SH3PXD2B: variants seen among roughly 807,000 people sequenced by gnomAD.
SH3PXD2B encodes SH3 and PX domain-containing protein 2B.
SH3PXD2B carries 37 observed loss-of-function variants against 73.1 expected under a neutral mutation model. The observed-to-expected ratio is 0.51, with a 90% CI of 0.39 to 0.67. The LOEUF is 0.67. Among genes scored for constraint, SH3PXD2B ranks in the 30% least tolerant of loss-of-function variants. The pLI, the probability that SH3PXD2B is intolerant of heterozygous loss-of-function variation, is 0.00. For missense variants in SH3PXD2B, 1,053 were observed against 1,197.8 expected (o/e 0.88, Z 1.78); for synonymous variants, 457 against 480.5 (o/e 0.95, Z 0.64).
chr5:172,383,130 T>A (rs1354482102), intron 4 of SH3PXD2B, among the ~76,000 whole-genome samples: 1 of 152,202 alleles, frequency 6.6e-6, no homozygotes, highest in Non-Finnish European at 1.5e-5. Flanking sequence ...TACTGGTGAA[T>A]CTTTAGGTTA....
intron 4 of SH3PXD2B, among the ~76,000 whole-genome samples, chr5:172,390,590 T>C (rs1416390109): frequency 6.6e-6 from 1 of 152,222 alleles, no homozygotes; most frequent in Non-Finnish European, 1.5e-5. Flanking sequence ...ATGTCTATTG[T>C]ATGGATATTA....
intron 8 of SH3PXD2B, among the ~76,000 whole-genome samples, chr5:172,356,168 T>C (rs2113303924): frequency 6.6e-6 from 1 of 152,162 alleles, no homozygotes; most frequent in Non-Finnish European, 1.5e-5. Context: ...AGGACTTGTG[T>C]TAAAGGAGAA....
intron 8 of SH3PXD2B, among the ~76,000 whole-genome samples, chr5:172,356,229 T>A (rs2436415): frequency 1.3e-5 from 2 of 151,846 alleles, no homozygotes; most frequent in African/African-American, 4.8e-5. Context: ...GCTGTCATCA[T>A]GAGAGAATGG....
intron 1 of SH3PXD2B, among the ~76,000 whole-genome samples, chr5:172,429,757 G>A (rs17074783): frequency 0.051 from 7,735 of 152,266 alleles, 272 homozygotes; most frequent in South Asian, 0.2. Context: ...GCAAAGGACG[G>A]AGGCTCAGAA....
chr5:172,377,682 C>A lies in SH3PXD2B; in HGVS notation c.402-3867G>T, dbSNP rs114004080. Among the ~76,000 whole-genome samples the A allele has an allele frequency of 8.5e-3, 1,300 of 152,266 alleles. 19 individuals carry two copies. The highest frequency in any genetic ancestry group is 0.03 in the African/African-American group (1,240 of 41,548). On this transcript the variant is annotated intron_variant, in intron 5 of 12. Transcript: ENST00000311601. ...CTGGGAAGGGACAAAGAGATTTGAACCTTCCCTTTCTTTTCAGGAAGGCTC... is the reference window on the plus strand; with the variant it reads ...CTGGGAAGGGACAAAGAGATTTGAAACTTCCCTTTCTTTTCAGGAAGGCTC...
chr5:172,375,558 T>C (rs564371084), intron 5 of SH3PXD2B, among the ~76,000 whole-genome samples: 3 of 152,294 alleles, frequency 2.0e-5, no homozygotes, highest in East Asian at 3.9e-4. Context: ...TTGCTGTCTC[T>C]AACGATTTGC....
At chr5:172,386,541 T>C (rs1218838822) in intron 4 of SH3PXD2B, among the ~76,000 whole-genome samples, 1 of 152,126 alleles carries the variant, frequency 6.6e-6, no homozygotes, top group Non-Finnish European at 1.5e-5. Context: ...TAACAGCAGT[T>C]AGCCAGATTT....
intron 3 of SH3PXD2B, among the ~76,000 whole-genome samples, chr5:172,404,971 G>A (rs1275365609): frequency 6.6e-6 from 1 of 152,250 alleles, no homozygotes; most frequent in African/African-American, 2.4e-5. Context: ...AATGGGTGCA[G>A]TAATGCCTAT....
At chr5:172,332,144 C>T (rs1253744418), downstream of SH3PXD2B, among the ~76,000 whole-genome samples, 2 of 152,024 alleles carry the variant, frequency 1.3e-5, no homozygotes, top group Non-Finnish European at 2.9e-5. Flanking sequence ...CAGCCCCAGC[C>T]GGAAAGCCCA....
At chr5:172,394,415 T>C (rs1202956681) in intron 4 of SH3PXD2B, 148 bp downstream of exon 4, 2 of 788,102 alleles carry the variant, frequency 2.5e-6, no homozygotes, top group Non-Finnish European at 4.3e-6. Context: ...GCCTCTAAGT[T>C]GAATGATAAT....
At chr5:172,423,337 T>C (rs1487230066) in intron 1 of SH3PXD2B, among the ~76,000 whole-genome samples, 2 of 152,148 alleles carry the variant, frequency 1.3e-5, no homozygotes, top group African/African-American at 4.8e-5. Flanking sequence ...TTAAAATATA[T>C]GCACAAGTGA....
chr5:172,351,233 G>A (rs1217385298), intron 9 of SH3PXD2B, among the ~76,000 whole-genome samples: 2 of 152,170 alleles, frequency 1.3e-5, no homozygotes, highest in Non-Finnish European at 2.9e-5. Context: ...GGGCTCAAGC[G>A]ATTCTCCCAA....
chr5:172,413,604 C>A (rs1044239925), intron 2 of SH3PXD2B, among the ~76,000 whole-genome samples: 4 of 152,224 alleles, frequency 2.6e-5, no homozygotes, highest in African/African-American at 9.6e-5. Flanking sequence ...CAGCCACTCT[C>A]TGGGAAAGGA....
At chr5:172,409,967 C>T (rs1162669285) in intron 2 of SH3PXD2B, among the ~76,000 whole-genome samples, 1 of 152,188 alleles carries the variant, frequency 6.6e-6, no homozygotes, top group Non-Finnish European at 1.5e-5. Flanking sequence ...CCACCTGCCC[C>T]GGCCTCCCAA....
rs1758969540 is a variant in SH3PXD2B at position 172,421,845 on chromosome 5, A to C, written c.156+571T>G. On this transcript the variant is annotated intron_variant, in intron 2 of 12. Coordinates refer to ENST00000311601, the MANE Select transcript of SH3PXD2B (RefSeq NM_001017995.3). This position sits in a 1 kb window ranked among gnomAD's most constrained non-coding sequence, Gnocchi z 4.0. ...GATTATTGTTTAAAACTTAAGTTCA[A>C]ACACTGCATGCCAAAGCCATTTGGA... Among the ~76,000 whole-genome samples the C allele has an allele frequency of 6.6e-6, 1 of 152,220 alleles. No homozygotes were observed. The highest frequency in any genetic ancestry group is 1.5e-5 in the Non-Finnish European group (1 of 68,028).
chr5:172,425,238 A>G (rs537399464), intron 1 of SH3PXD2B, among the ~76,000 whole-genome samples: 45 of 152,174 alleles, frequency 3.0e-4, no homozygotes, highest in Non-Finnish European at 4.7e-4. Flanking sequence ...TTCAACATCT[A>G]TTAAGCACCG....
At position 172,335,661 on chromosome 5, in the gene SH3PXD2B, A is replaced by AG. The variant is rs1756671538; in HGVS notation, c.*2707dup. 8.1e-7 allele frequency: 1 copy of AG among 1,231,800 alleles called. No individual in the cohort carries two copies. Among genetic ancestry groups the AG allele is most frequent in the South Asian group, 4.1e-5 (1 of 24,322 alleles). The allele number at this position is 1,231,800 out of a possible 1,614,324, so 76.3% of individuals were successfully genotyped here. A position where few individuals can be genotyped will look rare whatever the true frequency, so the allele number is the denominator to read the frequency against. ...GGACACTTTCTAGAGCCATGACTCC[A>AG]GGGGAGTTCTGCATATGCGCCATCA... On this transcript the variant is annotated 3_prime_UTR_variant, in exon 13 of 13. Transcript: ENST00000311601.
At chr5:172,419,096 G>C (rs1350248291) in intron 2 of SH3PXD2B, among the ~76,000 whole-genome samples, 1 of 152,138 alleles carries the variant, frequency 6.6e-6, no homozygotes, top group Non-Finnish European at 1.5e-5. Flanking sequence ...TGCAGATGAG[G>C]AGGCTGAGGC....
At chr5:172,427,912 G>T (rs1759137650) in intron 1 of SH3PXD2B, among the ~76,000 whole-genome samples, 2 of 151,902 alleles carry the variant, frequency 1.3e-5, no homozygotes, top group African/African-American at 4.8e-5. Context: ...AAGCAGCTGG[G>T]ATTACAGGCG....
Sources: gnomAD v4.1 joint callset for allele counts (sites outside exome capture counted in the v4.1 genomes callset) on GRCh38, gnomAD v4.1.1 for gene constraint, Gnocchi (gnomAD v3.1) non-coding constraint, MANE v1.5 for transcripts, NCBI Gene and HGNC (gene_info 2026-07-23, HGNC 2026-07-21) for gene names.